Variants in NCKAP5 observed in about 807,000 individuals in gnomAD.
NCKAP5 encodes the protein nck-associated protein 5.
NCKAP5 carries 92 observed loss-of-function variants against 167.0 expected under a neutral mutation model. That is an observed-to-expected ratio of 0.55 (90% confidence interval 0.47 to 0.66). The LOEUF (loss-of-function observed/expected upper bound fraction) is 0.66. Among genes scored for constraint, NCKAP5 ranks in the 30% least tolerant of loss-of-function variants. The pLI is 0.00. For synonymous variants in NCKAP5, 891 were observed against 877.4 expected (o/e 1.02, Z -0.27); for missense variants, 2,378 against 2,315.0 (o/e 1.03, Z -0.56).
the NCKAP5 span, among the ~76,000 whole-genome samples, chr2:133,653,379 A>G: frequency 6.6e-6 from 1 of 152,214 alleles, no homozygotes; most frequent in East Asian, 1.9e-4. Context: ...AGGTTCTTCA[A>G]AAGAAAAAAG....
chr2:133,330,592 G>A (rs1190728103), intron 3 of NCKAP5, among the ~76,000 whole-genome samples: 1 of 152,052 alleles, frequency 6.6e-6, no homozygotes, highest in Non-Finnish European at 1.5e-5. Flanking sequence ...ATTAGTAGCA[G>A]CTAAAAAATA....
intron 2 of NCKAP5, among the ~76,000 whole-genome samples, chr2:133,531,905 A>T (rs552820096): frequency 6.6e-6 from 1 of 152,314 alleles, no homozygotes; most frequent in East Asian, 1.9e-4. Context: ...TTAAGTAATA[A>T]AAGCACTGTA....
intron 8 of NCKAP5, among the ~76,000 whole-genome samples, chr2:132,884,464 G>T (rs1692052718): frequency 6.6e-6 from 1 of 152,162 alleles, no homozygotes; most frequent in Admixed American, 6.5e-5. Context: ...CCATTCTGTT[G>T]CAGTCTTATT....
At chr2:133,577,280 G>T in the NCKAP5 span, among the ~76,000 whole-genome samples, 456 of 152,242 alleles carry the variant, frequency 3.0e-3, 5 homozygotes, top group African/African-American at 0.01. Context: ...GAATTGATGT[G>T]GTGAGGTTGT....
At chr2:132,709,049 T>G (rs75633229) in intron 19 of NCKAP5, among the ~76,000 whole-genome samples, 7,097 of 152,220 alleles carry the variant, frequency 0.047, 298 homozygotes, top group East Asian at 0.18. Context: ...ATTATTATAT[T>G]GATCTTATAT....
intron 2 of NCKAP5, among the ~76,000 whole-genome samples, chr2:133,522,605 C>T (rs552976247): frequency 6.6e-6 from 1 of 152,124 alleles, no homozygotes; most frequent in Non-Finnish European, 1.5e-5. Context: ...TTGTTGCTTG[C>T]ATAAATAAAT....
chr2:133,277,483 C>T (rs568729119), intron 4 of NCKAP5, among the ~76,000 whole-genome samples: 39 of 151,998 alleles, frequency 2.6e-4, no homozygotes, highest in Middle Eastern at 3.4e-3. Context: ...TCTGGGGAAA[C>T]GTTAAAACTC....
intron 19 of NCKAP5, among the ~76,000 whole-genome samples, chr2:132,674,125 T>C (rs564428731): frequency 1.8e-4 from 28 of 152,202 alleles, no homozygotes; most frequent in Non-Finnish European, 3.5e-4. Flanking sequence ...AAAACAGACA[T>C]GTAAAAGTGT....
intron 16 of NCKAP5, among the ~76,000 whole-genome samples, chr2:132,736,735 C>T (rs112007402): frequency 0.1 from 15,475 of 152,034 alleles, 970 homozygotes; most frequent in East Asian, 0.14. Flanking sequence ...GGCAGTGAGC[C>T]GAGATCGCAC....
chr2:132,804,093 A>T (rs1032880211), intron 11 of NCKAP5, among the ~76,000 whole-genome samples: 1 of 144,448 alleles, frequency 6.9e-6, no homozygotes, highest in African/African-American at 2.4e-5. Context: ...AACAAACAAA[A>T]TTCGGAAATA....
intron 3 of NCKAP5, among the ~76,000 whole-genome samples, chr2:133,414,789 G>A (rs1689001417): frequency 6.6e-6 from 1 of 152,140 alleles, no homozygotes; most frequent in Non-Finnish European, 1.5e-5. Flanking sequence ...AGTCTATGAA[G>A]GGTGGAATAT....
intron 3 of NCKAP5, among the ~76,000 whole-genome samples, chr2:133,368,598 C>T (rs766189865): frequency 6.6e-6 from 1 of 152,194 alleles, no homozygotes; most frequent in Non-Finnish European, 1.5e-5. Flanking sequence ...TATGCTTGGA[C>T]TCAAGGCCTT....
chr2:132,970,070 C>T lies in NCKAP5; in HGVS notation c.430-6201G>A, dbSNP rs201825111. ...GAGGTAGAGGAAAGACCTGAGAGAGCGGAGAGAAACGTGGCTATACCCTAT... is the reference window on the plus strand; with the variant it reads ...GAGGTAGAGGAAAGACCTGAGAGAGTGGAGAGAAACGTGGCTATACCCTAT... On this transcript the variant is annotated intron_variant, in intron 7 of 19. Coordinates refer to ENST00000409261, the MANE Select transcript of NCKAP5 (RefSeq NM_207363.3). Among the ~76,000 whole-genome samples the T allele has an allele frequency of 1.1e-4, 16 of 152,160 alleles. No homozygotes were observed. The South Asian group carries it at 1.2e-3, about 12-fold the overall frequency.
chr2:133,256,966 G>C (rs551333124), intron 4 of NCKAP5, among the ~76,000 whole-genome samples: 5 of 152,248 alleles, frequency 3.3e-5, no homozygotes, highest in African/African-American at 1.2e-4. Context: ...ACCCTCTACA[G>C]ACTGTAGGAC....
At chr2:133,415,450 T>C (rs1024806839) in intron 3 of NCKAP5, among the ~76,000 whole-genome samples, 1 of 152,248 alleles carries the variant, frequency 6.6e-6, no homozygotes, top group Admixed American at 6.5e-5. Flanking sequence ...GGTGACGCCA[T>C]GAGTCCTCTC....
chr2:132,722,030 G>A (rs1689975178), intron 19 of NCKAP5, among the ~76,000 whole-genome samples: 1 of 152,120 alleles, frequency 6.6e-6, no homozygotes, highest in Non-Finnish European at 1.5e-5. Flanking sequence ...ATTCAGGCTG[G>A]GACTCACTTC....
At chr2:132,793,700 G>A (rs1273682819) in intron 12 of NCKAP5, among the ~76,000 whole-genome samples, 1 of 152,202 alleles carries the variant, frequency 6.6e-6, no homozygotes, top group Non-Finnish European at 1.5e-5. Flanking sequence ...GAATGGCTGA[G>A]CCTGCCTGCC....
At chr2:133,064,301 G>T (rs2080113397) in intron 6 of NCKAP5, among the ~76,000 whole-genome samples, 1 of 152,346 alleles carries the variant, frequency 6.6e-6, no homozygotes, top group Admixed American at 6.5e-5. Flanking sequence ...ATTATAACTG[G>T]AAGGTGGATC....
rs115056748 is a variant in NCKAP5, at chr2:133,090,135, C to T, written c.341+39843G>A. Among the ~76,000 whole-genome samples the T allele has an allele frequency of 1.9e-3, 293 of 150,840 alleles. 1 individual carries two copies. Among genetic ancestry groups the T allele is most frequent in the Middle Eastern group, 6.9e-3 (2 of 290 alleles). On this transcript the variant is annotated intron_variant, in intron 6 of 19. Coordinates refer to ENST00000409261, the MANE Select transcript of NCKAP5 (RefSeq NM_207363.3). Reference sequence around the variant, plus strand: ...TAATCCCAACACTTTCGGAGGCCAACGTGGGAGGATCTCTTGAGCCCAGCA... The same window carrying T: ...TAATCCCAACACTTTCGGAGGCCAATGTGGGAGGATCTCTTGAGCCCAGCA...
Sources: allele counts gnomAD v4.1 joint callset (sites outside exome capture counted in the v4.1 genomes callset), GRCh38; gene constraint gnomAD v4.1.1; transcripts MANE v1.5; gene names NCBI Gene and HGNC (gene_info 2026-07-23, HGNC 2026-07-21).